Variants in PRKCE observed in about 807,000 individuals in gnomAD.
PRKCE encodes the protein protein kinase C epsilon, also known as protein kinase C epsilon type.
PRKCE carries 16 observed loss-of-function variants against 85.4 expected under a neutral mutation model. That is an observed-to-expected ratio of 0.19 (90% confidence interval 0.13 to 0.28). The LOEUF is 0.28. PRKCE is among the 10% of genes least tolerant of loss of function. PRKCE has a pLI of 1.00. For synonymous variants in PRKCE, 388 were observed against 371.5 expected, an observed-to-expected ratio of 1.04 and a Z score of -0.51; for missense variants, 573 against 975.2, an observed-to-expected ratio of 0.59 and a Z score of 5.49.
In PRKCE at chr2:46,082,130, G is replaced by A. The variant is rs143375709; in HGVS notation, c.1438-4078G>A. Among the ~76,000 whole-genome samples, 11 of 152,104 alleles carry A rather than the reference G, an allele frequency of 7.2e-5. No homozygotes were observed. In the East Asian group the frequency reaches 2.1e-3, roughly 30 times the overall value. ...TGGACTTAGAGGAGGAAGCGGGGTG[G>A]GTTACAAGCAGATTTCTGTTTCGGC... On this transcript the variant is annotated intron_variant, in intron 10 of 14. Coordinates refer to ENST00000306156, the MANE Select transcript of PRKCE (RefSeq NM_005400.3).
intron 2 of PRKCE, among the ~76,000 whole-genome samples, chr2:45,856,850 C>T (rs371246545): frequency 5.9e-5 from 9 of 152,292 alleles, no homozygotes; most frequent in African/African-American, 2.2e-4. Flanking sequence ...TAATGTGCTC[C>T]AGGTTCATCA....
At chr2:45,653,394 T>TTC (rs1675231995) in intron 1 of PRKCE, among the ~76,000 whole-genome samples, 1 of 141,904 alleles carries the variant, frequency 7.0e-6, no homozygotes, top group East Asian at 2.0e-4. Flanking sequence ...TTTTTTTTTT[T>TTC]TCTCTCTTCT....
chr2:45,885,600 T>G (rs1447860931), intron 2 of PRKCE, among the ~76,000 whole-genome samples: 1 of 152,258 alleles, frequency 6.6e-6, no homozygotes, highest in East Asian at 1.9e-4. Flanking sequence ...CTGGTCTGGA[T>G]GGCCATTTGG....
chr2:45,947,722 C>A (rs773237424), intron 2 of PRKCE, among the ~76,000 whole-genome samples: 1 of 152,106 alleles, frequency 6.6e-6, no homozygotes, highest in Non-Finnish European at 1.5e-5. Flanking sequence ...TAATTATTTT[C>A]CAATTGATAG....
intron 2 of PRKCE, among the ~76,000 whole-genome samples, chr2:45,858,097 A>C (rs982463609): frequency 1.3e-5 from 2 of 152,298 alleles, no homozygotes; most frequent in South Asian, 4.2e-4. Flanking sequence ...CACCAGGGTC[A>C]TTGGCAGAGT....
At chr2:46,133,077 C>T (rs1674622376) in intron 11 of PRKCE, among the ~76,000 whole-genome samples, 1 of 152,162 alleles carries the variant, frequency 6.6e-6, no homozygotes, top group African/African-American at 2.4e-5. Context: ...AAGACATACG[C>T]CTACTAGTTT....
At chr2:45,689,494 T>A (rs1331002266) in intron 1 of PRKCE, among the ~76,000 whole-genome samples, 1 of 151,698 alleles carries the variant, frequency 6.6e-6, no homozygotes, top group African/African-American at 2.4e-5. Context: ...GATAATGTAA[T>A]CTATCCTTTA....
rs1241377883 is a variant in PRKCE, at chr2:46,001,881, C to T, written c.966+335C>T. ...TGGACTTATCTGCTTCCAGAACTGG[C>T]ATGAAAGCAATGTCAGTGTCTGAAC... On this transcript the variant is annotated intron_variant, in intron 7 of 14. Transcript: ENST00000306156. The surrounding 1 kb of genome is among the most constrained non-coding windows in gnomAD (Gnocchi z 4.4). Among the ~76,000 whole-genome samples, 4 of 152,162 alleles carry T rather than the reference C, an allele frequency of 2.6e-5. No individual in the cohort carries two copies. Among genetic ancestry groups the T allele is most frequent in the African/African-American group, 9.7e-5 (4 of 41,440 alleles).
At chr2:45,656,214 C>T (rs1405646664) in intron 1 of PRKCE, among the ~76,000 whole-genome samples, 1 of 152,164 alleles carries the variant, frequency 6.6e-6, no homozygotes, top group Non-Finnish European at 1.5e-5. Flanking sequence ...CATGAAATCA[C>T]AGGTTTGGAG....
intron 1 of PRKCE, among the ~76,000 whole-genome samples, chr2:45,775,246 C>T (rs1288172659): frequency 6.6e-6 from 1 of 152,232 alleles, no homozygotes; most frequent in Non-Finnish European, 1.5e-5. Context: ...AAAGTGCCCT[C>T]ACCAGGCCAT....
At chr2:46,058,818 C>T (rs181832499) in intron 10 of PRKCE, among the ~76,000 whole-genome samples, 74 of 152,290 alleles carry the variant, frequency 4.9e-4, no homozygotes, top group African/African-American at 1.8e-3. Context: ...GGCTTAGCTT[C>T]CTAAGGAACT....
intron 14 of PRKCE, among the ~76,000 whole-genome samples, chr2:46,182,450 C>T (rs982870928): frequency 1.3e-5 from 2 of 152,044 alleles, no homozygotes; most frequent in African/African-American, 4.8e-5. Flanking sequence ...CGGGGGCCAG[C>T]CCTCCTGGCA....
intron 1 of PRKCE, among the ~76,000 whole-genome samples, chr2:45,834,019 A>C (rs1195651524): frequency 1.3e-5 from 2 of 152,236 alleles, no homozygotes; most frequent in Non-Finnish European, 2.9e-5. Context: ...GCATTTATGT[A>C]TACATAGAGT....
intron 2 of PRKCE, among the ~76,000 whole-genome samples, chr2:45,880,969 C>T (rs985021905): frequency 5.9e-5 from 9 of 151,800 alleles, no homozygotes; most frequent in Admixed American, 1.3e-4. Context: ...CGGGCTAAAA[C>T]GGTGAAACCC....
At chr2:45,874,360 T>C (rs1042012095) in intron 2 of PRKCE, among the ~76,000 whole-genome samples, 1 of 152,234 alleles carries the variant, frequency 6.6e-6, no homozygotes, top group Non-Finnish European at 1.5e-5. Flanking sequence ...GACGCTGGCC[T>C]GCCCTGAACT....
At chr2:45,805,762 A>G (rs1385288834) in intron 1 of PRKCE, among the ~76,000 whole-genome samples, 1 of 151,760 alleles carries the variant, frequency 6.6e-6, no homozygotes, top group African/African-American at 2.4e-5. Flanking sequence ...GTGCCCGGCC[A>G]ATTCTTTTGT....
Position 46,080,972 on chromosome 2 carries a change from T to TACACACACACACAC in PRKCE, c.1438-5218_1438-5205dup, listed in dbSNP as rs112421012. On this transcript the variant is annotated intron_variant, in intron 10 of 14. Coordinates refer to ENST00000306156, the MANE Select transcript of PRKCE (RefSeq NM_005400.3). ...AGCAGTAAGAATTTGCAGTTATGCATACACACACACACACACACACACACA... is the reference window on the plus strand; with the variant it reads ...AGCAGTAAGAATTTGCAGTTATGCATACACACACACACACACACACACACACACACACACACACA... Among the ~76,000 whole-genome samples, 707 of 147,684 alleles carry TACACACACACACAC rather than the reference T, an allele frequency of 4.8e-3. 5 individuals carry two copies. Among genetic ancestry groups the TACACACACACACAC allele is most frequent in the African/African-American group, 0.015 (609 of 39,624 alleles).
At chr2:46,079,289 GAT>G (rs1668843790) in intron 10 of PRKCE, among the ~76,000 whole-genome samples, 1 of 152,094 alleles carries the variant, frequency 6.6e-6, no homozygotes, top group African/African-American at 2.4e-5. Flanking sequence ...GGGGTGCTAA[GAT>G]ACAATCCAGA....
rs1320545174 is a variant in PRKCE, at chr2:46,127,070, C to T, written c.1593-18023C>T. The stretch of plus-strand genomic sequence containing the variant: ...AGGGGCAAATGCAGAAAAAGGAAAG[C>T]TTGAGAGCCAGAAAGCCCACAGATT... On this transcript the variant is annotated intron_variant, in intron 11 of 14. Coordinates refer to ENST00000306156, the MANE Select transcript of PRKCE (RefSeq NM_005400.3). Among the ~76,000 whole-genome samples, 3 of 152,126 alleles carry T rather than the reference C, an allele frequency of 2.0e-5. No individual in the cohort carries two copies. In the East Asian group the frequency reaches 5.8e-4, roughly 29 times the overall value.
Sources: allele counts gnomAD v4.1 joint callset (sites outside exome capture counted in the v4.1 genomes callset), GRCh38; gene constraint gnomAD v4.1.1; non-coding constraint Gnocchi (gnomAD v3.1); transcripts MANE v1.5; gene names NCBI Gene and HGNC (gene_info 2026-07-23, HGNC 2026-07-21).